CDC14B: variants seen among roughly 807,000 people sequenced by gnomAD.
CDC14B encodes the protein cell division cycle 14B.
Under a neutral mutation model 64.2 loss-of-function variants are expected in CDC14B, and 22 were observed. The observed-to-expected ratio is 0.34, with a 90% CI of 0.24 to 0.49. CDC14B has a LOEUF of 0.49. CDC14B is among the 20% of genes least tolerant of loss of function. The pLI is 0.99. For missense variants in CDC14B, 498 were observed against 629.9 expected (o/e 0.79, Z 2.24); for synonymous variants, 191 against 215.8 (o/e 0.89, Z 1.01).
chr9:96,540,528 A>C (rs1839899931), intron 6 of CDC14B, among the ~76,000 whole-genome samples: 1 of 151,914 alleles, frequency 6.6e-6, no homozygotes, highest in Non-Finnish European at 1.5e-5. Context: ...TTTTAAAAAA[A>C]CCCAAAATAT....
In CDC14B at chr9:96,522,567, CT is replaced by C. The variant is rs778844178; in HGVS notation, c.1281del (p.Gly428ValfsTer7). The part of the protein sequence containing the change: ...SDDDEINGVT[Q>X]GDRLRALKSR... ...CTTTTCAAGGCCCGAAGTCTATCAC[CT>C]TGTGTCACTCCATTGATTTCGTCAT... On this transcript the variant is annotated frameshift_variant, in exon 12 of 14. Transcript: ENST00000375241. LOFTEE classifies it high-confidence loss of function. The C allele has an allele frequency of 3.7e-6, 6 of 1,613,292 alleles. No homozygotes were observed. The highest frequency in any genetic ancestry group is 5.1e-6 in the Non-Finnish European group (6 of 1,179,248).
At chr9:96,589,060 G>C (rs971714456) in intron 1 of CDC14B, among the ~76,000 whole-genome samples, 10 of 152,186 alleles carry the variant, frequency 6.6e-5, no homozygotes, top group African/African-American at 2.4e-4. Context: ...TGGTGGCCAG[G>C]AGCAGTGGCT....
rs1407178300 is a variant in CDC14B at position 96,503,804 on chromosome 9, A to G, written c.1461-15T>C. Reference sequence around the variant, plus strand: ...AAATGGAGAGACTACAGGGGGAAAAAAAAGGATTTTTACCAGAAAGTTTAC... The same window carrying G: ...AAATGGAGAGACTACAGGGGGAAAAGAAAGGATTTTTACCAGAAAGTTTAC... On this transcript the variant is annotated splice_polypyrimidine_tract_variant and intron_variant, in intron 13 of 13. Coordinates refer to ENST00000375241, the MANE Select transcript of CDC14B (RefSeq NM_033331.4). 7 of 1,610,724 alleles carry G rather than the reference A, an allele frequency of 4.3e-6. No individual in the cohort carries two copies. The highest frequency in any genetic ancestry group is 1.7e-4 in the Middle Eastern group (1 of 6,048).
At chr9:96,601,334 T>G (rs1044669396) in intron 1 of CDC14B, among the ~76,000 whole-genome samples, 1 of 151,816 alleles carries the variant, frequency 6.6e-6, no homozygotes, top group East Asian at 1.9e-4. Context: ...CCGTCTCTAC[T>G]AAAAATAGAA....
chr9:96,550,057 A>G (rs1011600658), intron 5 of CDC14B, among the ~76,000 whole-genome samples: 1 of 152,246 alleles, frequency 6.6e-6, no homozygotes, highest in Non-Finnish European at 1.5e-5. Flanking sequence ...GAAGAGTTCT[A>G]TAGAACAAAT....
At chr9:96,496,385 G>C (rs772044164), downstream of CDC14B, 1 of 495,468 alleles carries the variant, frequency 2.0e-6, no homozygotes, top group African/African-American at 2.0e-5. Context: ...GATGGACAGC[G>C]CTGTACTTAC....
chr9:96,534,184 A>G lies in CDC14B; in HGVS notation c.716-27T>C, dbSNP rs16911118. 33,041 of 1,346,372 alleles carry G rather than the reference A, an allele frequency of 0.025. 5,876 individuals carry two copies. In the African/African-American group the frequency reaches 0.4, roughly 16 times the overall value. The allele number at this position is 1,346,372 out of a possible 1,614,324, so 83.4% of individuals were successfully genotyped here. A position where few individuals can be genotyped will look rare whatever the true frequency, so the allele number is the denominator to read the frequency against. ...TACATAAAGAAATGCACCAGATCTT[A>G]TAAAACACATAAAGAAAACAATGGC... On this transcript the variant is annotated intron_variant, in intron 8 of 13. Transcript: ENST00000375241.
intron 4 of CDC14B, among the ~76,000 whole-genome samples, chr9:96,559,963 T>G (rs10512237): frequency 0.17 from 26,044 of 152,142 alleles, 2,607 homozygotes; most frequent in South Asian, 0.31. Context: ...GCCAAAAAAT[T>G]TTCAATACAT....
At chr9:96,598,022 A>C (rs1430753173) in intron 1 of CDC14B, among the ~76,000 whole-genome samples, 1 of 152,244 alleles carries the variant, frequency 6.6e-6, no homozygotes, top group Non-Finnish European at 1.5e-5. Context: ...AGAGTCAGCT[A>C]TAAACTTTGT....
chr9:96,500,545 G>C lies in CDC14B; in HGVS notation c.*3208C>G, dbSNP rs1330033963. On this transcript the variant is annotated 3_prime_UTR_variant, in exon 14 of 14. Transcript: ENST00000375241. ...GGAGGTAATTTCCTACACAGTATAGGTGAATTGTCCAGTCTTTAAACACAT... is the reference window on the plus strand; with the variant it reads ...GGAGGTAATTTCCTACACAGTATAGCTGAATTGTCCAGTCTTTAAACACAT... The C allele has an allele frequency of 6.6e-6, 1 of 152,638 alleles. No homozygotes were observed. Among genetic ancestry groups the C allele is most frequent in the Non-Finnish European group, 1.5e-5 (1 of 68,050 alleles). 9.5% of individuals were successfully genotyped at this position (152,638 alleles called of 1,614,324 possible). A position where few individuals can be genotyped will look rare whatever the true frequency, so the allele number is the denominator to read the frequency against.
At chr9:96,495,922 C>CA (rs1185297915), downstream of CDC14B, among the ~76,000 whole-genome samples, 7 of 152,212 alleles carry the variant, frequency 4.6e-5, no homozygotes, top group African/African-American at 1.7e-4. Context: ...TGTGTGGCCA[C>CA]AGCCAGCAAG....
chr9:96,517,662 AAAG>A (rs1564218309), intron 12 of CDC14B, among the ~76,000 whole-genome samples: 2 of 144,304 alleles, frequency 1.4e-5, no homozygotes, highest in Non-Finnish European at 3.0e-5. Context: ...AAAAAAAAAA[AAAG>A]AAGAAGAAAG....
At chr9:96,528,530 GA>G (rs940181183) in intron 9 of CDC14B, among the ~76,000 whole-genome samples, 2 of 143,420 alleles carry the variant, frequency 1.4e-5, no homozygotes, top group African/African-American at 2.9e-5. Context: ...TCAAAAAAAA[GA>G]AAAAAAAAGA....
rs144489159 is a variant in CDC14B at position 96,567,666 on chromosome 9, G to A, written c.161-2183C>T. On this transcript the variant is annotated intron_variant, in intron 1 of 13. Coordinates refer to ENST00000375241, the MANE Select transcript of CDC14B (RefSeq NM_033331.4). ...TGTAGAGATAGAGAGTAGAAGGATG[G>A]TTATCGGAGGCTGGGAAAGGTAGTG... Among the ~76,000 whole-genome samples, 24 of 152,306 alleles carry A rather than the reference G, an allele frequency of 1.6e-4. No individual in the cohort carries two copies. In the East Asian group the frequency reaches 4.6e-3, roughly 29 times the overall value.
At position 96,551,846 on chromosome 9, in the gene CDC14B, T is replaced by C; in HGVS notation, c.447A>G (p.Glu149=). 6.2e-7 allele frequency: 1 copy of C among 1,609,140 alleles called. No homozygotes were observed. Among genetic ancestry groups the C allele is most frequent in the Non-Finnish European group, 8.5e-7 (1 of 1,177,824 alleles). ...YMVIYLGRTP[E]EAYRILIFGE... is the part of the protein sequence containing the mutation. ...CAAAGATTAATATTCTATATGCTTC[T>C]TCTGGGGTTCTCCCCAAATATATAA... The change falls in exon 5 of 14, where the codon GAA becomes GAG. Residue 149 remains glutamate, a synonymous_variant. Transcript: ENST00000375241.
At chr9:96,604,952 G>A (rs1846784740) in intron 1 of CDC14B, among the ~76,000 whole-genome samples, 1 of 152,070 alleles carries the variant, frequency 6.6e-6, no homozygotes, top group Non-Finnish European at 1.5e-5. Context: ...TTACAGGTGT[G>A]AGCCACTGTG....
intron 13 of CDC14B, 35 bp downstream of exon 13, chr9:96,509,634 CGCTT>C: frequency 1.6e-6 from 2 of 1,267,134 alleles, no homozygotes; most frequent in African/African-American, 1.5e-5. Flanking sequence ...GGAAAACAAA[CGCTT>C]GCAACTTTTC....
intron 12 of CDC14B, among the ~76,000 whole-genome samples, chr9:96,518,445 G>C (rs1275663588): frequency 2.6e-5 from 4 of 152,086 alleles, no homozygotes; most frequent in African/African-American, 7.2e-5. Context: ...AACCCATAAG[G>C]TGGAGGTTGC....
At chr9:96,512,590 T>A (rs570094153) in intron 12 of CDC14B, among the ~76,000 whole-genome samples, 266 of 152,366 alleles carry the variant, frequency 1.7e-3, no homozygotes, top group Non-Finnish European at 2.9e-3. Flanking sequence ...TTCCAAAGTG[T>A]TGGGATTTAT....
Sources: gnomAD v4.1 joint callset for allele counts (sites outside exome capture counted in the v4.1 genomes callset) on GRCh38, gnomAD v4.1.1 for gene constraint, MANE v1.5 for transcripts, NCBI Gene and HGNC (gene_info 2026-07-23, HGNC 2026-07-21) for gene names.